Variants in EYS observed in about 807,000 individuals in gnomAD.
EYS encodes EGF-like photoreceptor maintenance factor, also known as protein eyes shut homolog.
EYS carries 250 observed loss-of-function variants against 282.1 expected under a neutral mutation model. That is an observed-to-expected ratio of 0.89 (90% CI 0.80 to 0.98). The LOEUF is 0.98. Ranked by LOEUF, EYS falls within the 50% of genes least tolerant of loss-of-function variation. The pLI is 0.00. For missense variants in EYS, 4,016 were observed against 3,709.0 expected, an observed-to-expected ratio of 1.08 and a Z score of -2.15; for synonymous variants, 1,355 against 1,282.9, an observed-to-expected ratio of 1.06 and a Z score of -1.20.
chr6:65,058,764 T>A (rs902676732), intron 12 of EYS, among the ~76,000 whole-genome samples: 1 of 150,748 alleles, frequency 6.6e-6, no homozygotes, highest in African/African-American at 2.4e-5. Flanking sequence ...ATTGCTTAAT[T>A]TCCCAACAGT....
At chr6:64,534,249 C>T (rs145538784) in intron 26 of EYS, among the ~76,000 whole-genome samples, 582 of 151,782 alleles carry the variant, frequency 3.8e-3, no homozygotes, top group African/African-American at 0.013. Flanking sequence ...TTTCTTCTTT[C>T]TTGTTTTGGT....
At chr6:64,400,671 C>A (rs1436517972) in intron 28 of EYS, among the ~76,000 whole-genome samples, 1 of 152,094 alleles carries the variant, frequency 6.6e-6, no homozygotes, top group Non-Finnish European at 1.5e-5. Context: ...TGCTGATGAA[C>A]AGTTTGCTTA....
intron 2 of EYS, among the ~76,000 whole-genome samples, chr6:65,549,432 C>T (rs1294596808): frequency 2.6e-5 from 4 of 152,126 alleles, no homozygotes; most frequent in African/African-American, 9.7e-5. Flanking sequence ...ATATGCCTGC[C>T]TTCCTGTTTT....
intron 26 of EYS, among the ~76,000 whole-genome samples, chr6:64,510,052 CA>C (rs1375569224): frequency 2.6e-5 from 4 of 151,952 alleles, no homozygotes; most frequent in Admixed American, 1.3e-4. Context: ...AGTCTAGCAG[CA>C]AATGGTTGCA....
chr6:63,972,047 A>C (rs9362325), intron 35 of EYS, among the ~76,000 whole-genome samples: 57,187 of 151,916 alleles, frequency 0.38, 10,997 homozygotes, highest in African/African-American at 0.46. Context: ...TTTGTTATAG[A>C]ATTTCTTCAC....
At chr6:63,753,336 T>C (rs972994299) in intron 41 of EYS, among the ~76,000 whole-genome samples, 4 of 151,934 alleles carry the variant, frequency 2.6e-5, no homozygotes, top group African/African-American at 9.7e-5. Context: ...ATTATGTACA[T>C]GTGTCATCTA....
intron 30 of EYS, among the ~76,000 whole-genome samples, chr6:64,300,566 G>A (rs1769198782): frequency 6.6e-6 from 1 of 152,176 alleles, no homozygotes; most frequent in South Asian, 2.1e-4. Context: ...AAGAGCCCAT[G>A]AATTAGTTGA....
chr6:65,110,861 A>C (rs1027700694), intron 12 of EYS, among the ~76,000 whole-genome samples: 1 of 152,110 alleles, frequency 6.6e-6, no homozygotes, highest in East Asian at 1.9e-4. Flanking sequence ...GATAAAATTT[A>C]TATATTAGAA....
intron 22 of EYS, among the ~76,000 whole-genome samples, chr6:64,773,188 T>G (rs1030558045): frequency 1.3e-5 from 2 of 151,848 alleles, no homozygotes; most frequent in African/African-American, 4.8e-5. Context: ...TGTTTTCATA[T>G]GTACTCAATG....
intron 12 of EYS, among the ~76,000 whole-genome samples, chr6:65,271,515 A>T (rs1767903587): frequency 1.3e-5 from 2 of 152,208 alleles, no homozygotes; most frequent in East Asian, 3.9e-4. Context: ...CCTTAAAGAC[A>T]TACCCAGAAA....
intron 30 of EYS, among the ~76,000 whole-genome samples, chr6:64,300,628 GCC>G (rs2150372203): frequency 6.6e-6 from 1 of 152,186 alleles, no homozygotes; most frequent in South Asian, 2.1e-4. Context: ...CCTGGAATTC[GCC>G]CATTTTTGTC....
chr6:64,117,985 G>A (rs766441051), intron 31 of EYS, among the ~76,000 whole-genome samples: 26 of 151,804 alleles, frequency 1.7e-4, no homozygotes, highest in Admixed American at 3.9e-4. Flanking sequence ...ATTTAAGCAA[G>A]AAAGTGAAAG....
At chr6:65,011,991 C>G (rs1022491422) in intron 13 of EYS, among the ~76,000 whole-genome samples, 1 of 152,164 alleles carries the variant, frequency 6.6e-6, no homozygotes, top group Non-Finnish European at 1.5e-5. Context: ...AGATTATTAA[C>G]AATTTGATGC....
intron 2 of EYS, among the ~76,000 whole-genome samples, chr6:65,519,706 A>ATTTT (rs1418670707): frequency 8.2e-5 from 3 of 36,596 alleles, no homozygotes; most frequent in Non-Finnish European, 1.3e-4. Context: ...ATATATATAT[A>ATTTT]TATTTTTTTT....
intron 26 of EYS, among the ~76,000 whole-genome samples, chr6:64,582,713 C>G (rs917807538): frequency 4.6e-5 from 7 of 151,356 alleles, no homozygotes; most frequent in African/African-American, 1.7e-4. Context: ...TATTATTAAA[C>G]TATCACAATC....
At chr6:64,566,847 C>G (rs143949435) in intron 26 of EYS, among the ~76,000 whole-genome samples, 2 of 152,086 alleles carry the variant, frequency 1.3e-5, no homozygotes, top group Non-Finnish European at 2.9e-5. Flanking sequence ...GATTTTGGCT[C>G]GCTGAAACCT....
chr6:63,821,945 T>A (rs1283021467), intron 36 of EYS: 2 of 152,176 alleles, frequency 1.3e-5, no homozygotes, highest in African/African-American at 2.4e-5. Flanking sequence ...ATCAACTCAA[T>A]CATTTCAGTG....
intron 22 of EYS, among the ~76,000 whole-genome samples, chr6:64,771,232 A>G (rs192009189): frequency 1.3e-5 from 2 of 151,852 alleles, no homozygotes; most frequent in East Asian, 1.9e-4. Context: ...ATCTATAGCT[A>G]GATCCCCTTT....
intron 22 of EYS, among the ~76,000 whole-genome samples, chr6:64,692,376 C>G (rs145825308): frequency 2.0e-5 from 3 of 151,998 alleles, no homozygotes; most frequent in Admixed American, 2.0e-4. Flanking sequence ...AGACATTTGT[C>G]AGATGGATAG....
Sources: gnomAD v4.1 joint callset for allele counts (sites outside exome capture counted in the v4.1 genomes callset) on GRCh38, gnomAD v4.1.1 for gene constraint, MANE v1.5 for transcripts, NCBI Gene and HGNC (gene_info 2026-07-23, HGNC 2026-07-21) for gene names.